LARGE1: variants seen among roughly 807,000 people sequenced by gnomAD.
LARGE1 encodes the protein LARGE xylosyl- and glucuronyltransferase 1, also known as xylosyl- and glucuronyltransferase LARGE1.
A neutral mutation model predicts 87.6 loss-of-function variants in LARGE1; 43 were observed. The observed-to-expected ratio is 0.49, with a 90% CI of 0.38 to 0.63. The LOEUF (loss-of-function observed/expected upper bound fraction) is 0.63. Among genes scored for constraint, LARGE1 ranks in the 30% least tolerant of loss-of-function variants. The pLI, the probability that LARGE1 is intolerant of heterozygous loss-of-function variation, is 0.00. For missense variants in LARGE1, 802 were observed against 1,000.2 expected (o/e 0.80, Z 2.67); for synonymous variants, 434 against 394.6 (o/e 1.10, Z -1.18).
At chr22:33,149,697 G>A in the LARGE1 span, among the ~76,000 whole-genome samples, 1 of 152,184 alleles carries the variant, frequency 6.6e-6, no homozygotes, top group Non-Finnish European at 1.5e-5. Context: ...CTTATTGGGA[G>A]TTTCCAGAAG....
chr22:33,492,835 G>C (rs375379830), intron 6 of LARGE1, among the ~76,000 whole-genome samples: 1 of 152,258 alleles, frequency 6.6e-6, no homozygotes, highest in South Asian at 2.1e-4. Context: ...TCCTGTCCTT[G>C]TCCTGGGGGC....
chr22:33,761,811 C>T (rs184825118), intron 1 of LARGE1, among the ~76,000 whole-genome samples: 17 of 152,220 alleles, frequency 1.1e-4, no homozygotes, highest in Admixed American at 2.0e-4. Context: ...CACATACACA[C>T]GCACAATTTA....
intron 10 of LARGE1, among the ~76,000 whole-genome samples, chr22:33,326,961 T>C (rs1266707669): frequency 6.6e-6 from 1 of 152,158 alleles, no homozygotes; most frequent in Non-Finnish European, 1.5e-5. Flanking sequence ...GGAGGGTCCT[T>C]TGGAGACTGG....
chr22:33,520,274 C>T lies in LARGE1; in HGVS notation c.787+44574G>A, dbSNP rs76879450. ...TTTTCTGTACTGATGGGGGGTCTCA[C>T]TATGTTGCCCAGGCTGGTTTTGAAA... On this transcript the variant is annotated intron_variant, in intron 6 of 14. Coordinates refer to ENST00000397394, the MANE Select transcript of LARGE1 (RefSeq NM_133642.5). 9.8e-3 allele frequency among the ~76,000 whole-genome samples: 1,492 copies of T among 152,176 alleles called. 15 individuals are homozygous for T. Among genetic ancestry groups the T allele is most frequent in the South Asian group, 0.034 (164 of 4,818 alleles).
chr22:33,626,035 C>A (rs1329384426), intron 4 of LARGE1, among the ~76,000 whole-genome samples: 4 of 152,174 alleles, frequency 2.6e-5, no homozygotes, highest in African/African-American at 9.7e-5. Flanking sequence ...CTGAGAGTTA[C>A]AATTCTAAAC....
At chr22:33,793,185 A>C (rs1349011577) in intron 1 of LARGE1, among the ~76,000 whole-genome samples, 6 of 152,188 alleles carry the variant, frequency 3.9e-5, no homozygotes, top group African/African-American at 1.4e-4. Context: ...AGAGCTGAAA[A>C]ACATGTTCTG....
At chr22:33,233,920 A>G (rs901518020) in intron 11 of LARGE1, among the ~76,000 whole-genome samples, 1 of 152,160 alleles carries the variant, frequency 6.6e-6, no homozygotes, top group Non-Finnish European at 1.5e-5. Flanking sequence ...TGTTATACTA[A>G]TTGTGAAATA....
chr22:33,110,419 C>G, the LARGE1 span: 2 of 152,252 alleles, frequency 1.3e-5, no homozygotes, highest in African/African-American at 4.8e-5. Context: ...ATATTGTCCT[C>G]TCTCTCTGGA....
intron 6 of LARGE1, among the ~76,000 whole-genome samples, chr22:33,489,753 T>A (rs1188146252): frequency 2.6e-5 from 4 of 152,136 alleles, no homozygotes; most frequent in Non-Finnish European, 2.9e-5. Context: ...ATCAGCAGCA[T>A]GAAAGCGAAC....
At chr22:33,821,779 A>G (rs1461137127) in intron 1 of LARGE1, among the ~76,000 whole-genome samples, 2 of 152,240 alleles carry the variant, frequency 1.3e-5, no homozygotes, top group East Asian at 1.9e-4. Flanking sequence ...TCAATTTTCA[A>G]TACATTATTG....
At chr22:33,544,228 T>C (rs577009974) in intron 6 of LARGE1, among the ~76,000 whole-genome samples, 1 of 152,310 alleles carries the variant, frequency 6.6e-6, no homozygotes, top group South Asian at 2.1e-4. Context: ...CTTATATCTT[T>C]TTGCTGTAAT....
chr22:33,293,880 C>T (rs1932908208), intron 12 of LARGE1, among the ~76,000 whole-genome samples: 1 of 152,230 alleles, frequency 6.6e-6, no homozygotes. Flanking sequence ...CTCTGTGGAT[C>T]TGGCCAAAGT....
chr22:33,445,893 A>C (rs149018366), intron 6 of LARGE1, among the ~76,000 whole-genome samples: 1 of 151,806 alleles, frequency 6.6e-6, no homozygotes, highest in African/African-American at 2.4e-5. Flanking sequence ...CAGGTGATTC[A>C]TGTGCCTCAG....
At chr22:33,469,483 A>C (rs114714552) in intron 6 of LARGE1, among the ~76,000 whole-genome samples, 3,096 of 152,288 alleles carry the variant, frequency 0.02, 99 homozygotes, top group African/African-American at 0.071. Flanking sequence ...GTTTACATGA[A>C]CACAAAGAAG....
At chr22:33,397,373 C>T (rs1406389795) in intron 7 of LARGE1, among the ~76,000 whole-genome samples, 1 of 152,222 alleles carries the variant, frequency 6.6e-6, no homozygotes, top group Non-Finnish European at 1.5e-5. Context: ...CCTTGGCCTC[C>T]CAAAGTGCTG....
the LARGE1 span, among the ~76,000 whole-genome samples, chr22:33,144,459 A>G: frequency 0.42 from 64,199 of 152,028 alleles, 14,020 homozygotes; most frequent in South Asian, 0.68. Flanking sequence ...TGAGTTATAT[A>G]TATATATATA....
chr22:33,097,352 T>C, the LARGE1 span, among the ~76,000 whole-genome samples: 1 of 152,218 alleles, frequency 6.6e-6, no homozygotes, highest in African/African-American at 2.4e-5. Context: ...AGACATCCTG[T>C]CTATATCTTG....
chr22:33,606,972 C>A (rs147637487), intron 4 of LARGE1, among the ~76,000 whole-genome samples: 3 of 152,152 alleles, frequency 2.0e-5, no homozygotes, highest in African/African-American at 2.4e-5. Flanking sequence ...CTACACCCCC[C>A]ATGTGAGCTC....
chr22:33,769,596 T>C (rs1181023175), intron 1 of LARGE1, among the ~76,000 whole-genome samples: 1 of 152,158 alleles, frequency 6.6e-6, no homozygotes, highest in African/African-American at 2.4e-5. Context: ...CAGCCCACCC[T>C]TCCCCTCCAA....
Sources: allele counts gnomAD v4.1 joint callset (sites outside exome capture counted in the v4.1 genomes callset), GRCh38; gene constraint gnomAD v4.1.1; transcripts MANE v1.5; gene names NCBI Gene and HGNC (gene_info 2026-07-23, HGNC 2026-07-21).